CFAP47: variants seen among roughly 807,000 people sequenced by gnomAD.
CFAP47 encodes the protein cilia- and flagella-associated protein 47.
CFAP47 carries 29 observed loss-of-function variants against 148.1 expected under a neutral mutation model. The observed-to-expected ratio is 0.20, with a 90% CI of 0.15 to 0.27. The LOEUF is 0.27. CFAP47 is among the 10% of genes least tolerant of loss of function. The pLI, the probability that CFAP47 is intolerant of heterozygous loss-of-function variation, is 1.00. For synonymous variants in CFAP47, 664 were observed against 577.3 expected (o/e 1.15, Z -2.15); for missense variants, 1,872 against 1,697.5 (o/e 1.10, Z -1.81).
At chrX:36,085,764 C>T (rs1462652288) in intron 30 of CFAP47, among the ~76,000 whole-genome samples, 2 of 108,131 alleles carry the variant, frequency 1.8e-5, no homozygotes, top group Admixed American at 2.0e-4. Flanking sequence ...GCTTAATAGC[C>T]AATAAGCATT....
chrX:35,998,012 T>C (rs1343308143), intron 19 of CFAP47, among the ~76,000 whole-genome samples: 2 of 111,199 alleles, frequency 1.8e-5, no homozygotes, highest in African/African-American at 3.3e-5. Flanking sequence ...GAGGTACACA[T>C]ACAAGAGGTT....
At chrX:36,055,283 C>A (rs906556424) in intron 26 of CFAP47, among the ~76,000 whole-genome samples, 2 of 110,444 alleles carry the variant, frequency 1.8e-5, no homozygotes, top group African/African-American at 6.6e-5. Flanking sequence ...GTATTAAGCC[C>A]ATTATCCATT....
At chrX:35,989,579 T>A in intron 16 of CFAP47, 130 bp downstream of exon 16, 2 of 1,166,845 alleles carry the variant, frequency 1.7e-6, no homozygotes, top group Non-Finnish European at 2.3e-6. Context: ...CAGTACTAGT[T>A]TTTTTGTTAG....
At chrX:36,103,790 A>C (rs1422689725) in intron 32 of CFAP47, among the ~76,000 whole-genome samples, 1 of 111,522 alleles carries the variant, frequency 9.0e-6, no homozygotes, top group South Asian at 3.7e-4. Flanking sequence ...GAGGTAGCAG[A>C]TCACAAGCTG....
intron 21 of CFAP47, among the ~76,000 whole-genome samples, chrX:36,005,663 ATGTT>A (rs1190069248): frequency 8.9e-6 from 1 of 112,091 alleles, no homozygotes; most frequent in Non-Finnish European, 1.9e-5. Flanking sequence ...GTGTATGTGT[ATGTT>A]TGTGTGTGTG....
chrX:35,975,801 A>C lies in CFAP47; in HGVS notation c.2601A>C (p.Thr867=), dbSNP rs753776196. The C allele has an allele frequency of 1.7e-6, 2 of 1,210,712 alleles. No homozygotes were observed. Among genetic ancestry groups the C allele is most frequent in the Non-Finnish European group, 2.2e-6 (2 of 894,911 alleles). The part of the protein sequence containing the change: ...VLRPRGFFMK[T]CFRGTVRLYN... ...GACCACGAGGCTTCTTCATGAAAAC[A>C]TGTTTTCGGGGGACAGTTAGATTGT... The change falls in exon 15 of 64, where the codon ACA becomes ACC. Residue 867 remains threonine (T), a synonymous_variant. Coordinates refer to ENST00000378653, the MANE Select transcript of CFAP47 (RefSeq NM_001304548.2).
chrX:35,979,828 G>A (rs1021497888), intron 15 of CFAP47, among the ~76,000 whole-genome samples: 11 of 111,806 alleles, frequency 9.8e-5, no homozygotes, highest in African/African-American at 3.6e-4. Flanking sequence ...CATGGCAGCC[G>A]TAAGGCAAGC....
intron 29 of CFAP47, among the ~76,000 whole-genome samples, chrX:36,079,525 G>A (rs952047245): frequency 3.6e-5 from 4 of 111,350 alleles, no homozygotes; most frequent in East Asian, 2.8e-4. Flanking sequence ...TTTCAGCTCC[G>A]TCTGGTTATT....
At position 35,926,164 on chromosome X, in the gene CFAP47, A is replaced by G. The variant is rs780286369; in HGVS notation, c.397A>G (p.Ile133Val). The part of the protein sequence containing the change: ...IENKTTEIPL[I>V]GLIPSCQLEI... ...AAATAAAACAACAGAAATTCCTCTA[A>G]TTGGGTATGTAATCTTCATAGTTCA... Residue 133 changes from isoleucine (I) to valine (V), a missense_variant, in exon 2 of 64, where the codon ATT becomes GTT. Physicochemically the swap from Ile to Val is conservative, Grantham distance 29. Coordinates refer to ENST00000378653, the MANE Select transcript of CFAP47 (RefSeq NM_001304548.2). 1 of 1,192,542 alleles carries G rather than the reference A, an allele frequency of 8.4e-7. No individual in the cohort carries two copies. Among genetic ancestry groups the G allele is most frequent in the Non-Finnish European group, 1.1e-6 (1 of 879,659 alleles).
intron 63 of CFAP47, among the ~76,000 whole-genome samples, chrX:36,384,014 A>G (rs1275577654): frequency 9.0e-6 from 1 of 111,727 alleles, no homozygotes; most frequent in Non-Finnish European, 1.9e-5. Context: ...GTCAGCAATG[A>G]TCCTACATCA....
chrX:36,077,183 C>CATTT (rs1937877617), intron 29 of CFAP47, among the ~76,000 whole-genome samples: 2 of 20,995 alleles, frequency 9.5e-5, no homozygotes, highest in Non-Finnish European at 1.8e-4. Flanking sequence ...GCGCCTCCAG[C>CATTT]TTTTTTTTTT....
chrX:36,269,486 C>T (rs1458960097), intron 49 of CFAP47, among the ~76,000 whole-genome samples: 7 of 112,013 alleles, frequency 6.2e-5, no homozygotes, highest in Non-Finnish European at 9.4e-5. Flanking sequence ...GACATTGCTT[C>T]GTGTTGGAAA....
In CFAP47 at chrX:36,304,275, G is replaced by A. The variant is rs1456243213; in HGVS notation, c.8082+315G>A. The stretch of plus-strand genomic sequence containing the variant: ...CACGTGCCTGAAATCCCAGCTACTC[G>A]GGAGGCTGAGGAATGAGAATCACTT... On this transcript the variant is annotated intron_variant, in intron 54 of 63. Coordinates refer to ENST00000378653, the MANE Select transcript of CFAP47 (RefSeq NM_001304548.2). Among the ~76,000 whole-genome samples, 4 of 109,235 alleles carry A rather than the reference G, an allele frequency of 3.7e-5. No homozygotes were observed. The East Asian group carries it at 1.2e-3, about 32-fold the overall frequency. 94.9% of individuals were successfully genotyped at this position (109,235 alleles called of 115,157 possible).
intron 42 of CFAP47, among the ~76,000 whole-genome samples, chrX:36,190,623 A>G (rs1555986353): frequency 8.9e-6 from 1 of 112,316 alleles, no homozygotes. Context: ...CAGAGGTTCA[A>G]CTGAGGAAGG....
At chrX:35,994,032 G>T (rs1425099325) in intron 18 of CFAP47, among the ~76,000 whole-genome samples, 11 of 111,286 alleles carry the variant, frequency 9.9e-5, no homozygotes, top group Non-Finnish European at 1.9e-4. Flanking sequence ...GGAGGCTGAG[G>T]CAGGCAGATC....
chrX:36,247,643 A>G (rs1311002527), intron 48 of CFAP47, among the ~76,000 whole-genome samples: 1 of 110,979 alleles, frequency 9.0e-6, no homozygotes, highest in Non-Finnish European at 1.9e-5. Flanking sequence ...ATAAAACCCA[A>G]GACATCTTAG....
At chrX:36,372,334 C>T in intron 62 of CFAP47, among the ~76,000 whole-genome samples, 1 of 111,393 alleles carries the variant, frequency 9.0e-6, no homozygotes. Context: ...TGATAAATTT[C>T]TGCGAGTGTT....
At chrX:35,969,603 G>A (rs1936459015) in intron 10 of CFAP47, among the ~76,000 whole-genome samples, 1 of 111,618 alleles carries the variant, frequency 9.0e-6, no homozygotes, top group Non-Finnish European at 1.9e-5. Context: ...TCTCATTTAA[G>A]GCATTTACAC....
chrX:36,196,475 C>T (rs1334068631), intron 42 of CFAP47, among the ~76,000 whole-genome samples: 2 of 111,083 alleles, frequency 1.8e-5, no homozygotes, highest in Non-Finnish European at 1.9e-5. Flanking sequence ...TAGGTAAATG[C>T]ACTTTTTTGG....
Sources: allele counts gnomAD v4.1 joint callset (sites outside exome capture counted in the v4.1 genomes callset), GRCh38; gene constraint gnomAD v4.1.1; transcripts MANE v1.5; gene names NCBI Gene and HGNC (gene_info 2026-07-23, HGNC 2026-07-21).